GALNT16: variants seen among roughly 807,000 people sequenced by gnomAD.
GALNT16 encodes the protein polypeptide N-acetylgalactosaminyltransferase 16.
GALNT16 carries 40 observed loss-of-function variants against 76.1 expected under a neutral mutation model. That is an observed-to-expected ratio of 0.53 (90% CI 0.41 to 0.68). The LOEUF is 0.68. Ranked by LOEUF, GALNT16 falls within the 30% of genes least tolerant of loss-of-function variation. The probability of loss-of-function intolerance (pLI) is 0.00; values close to 1 mark genes in which losing one functional copy is unlikely to be tolerated. For missense variants in GALNT16, 621 were observed against 731.9 expected, an observed-to-expected ratio of 0.85 and a Z score of 1.75; for synonymous variants, 276 against 285.2, an observed-to-expected ratio of 0.97 and a Z score of 0.32.
At chr14:69,327,681 A>G (rs1239219534) in intron 5 of GALNT16, among the ~76,000 whole-genome samples, 1 of 152,186 alleles carries the variant, frequency 6.6e-6, no homozygotes, top group East Asian at 1.9e-4. Context: ...GCTTATACTC[A>G]GAGCTCTAAG....
chr14:69,339,393 T>C (rs999567192), intron 10 of GALNT16, 134 bp from the exon 11 acceptor site: 1 of 702,472 alleles, frequency 1.4e-6, no homozygotes. Context: ...ACCGTGCTAA[T>C]CTATACCATC....
intron 1 of GALNT16, among the ~76,000 whole-genome samples, chr14:69,310,207 G>A (rs1169678822): frequency 6.6e-6 from 1 of 151,796 alleles, no homozygotes; most frequent in African/African-American, 2.4e-5. Context: ...ATAGGATATA[G>A]ATCTATATCC....
chr14:69,311,348 G>A (rs1396445271), intron 1 of GALNT16, among the ~76,000 whole-genome samples: 1 of 152,188 alleles, frequency 6.6e-6, no homozygotes, highest in East Asian at 1.9e-4. Flanking sequence ...CCATTCATGA[G>A]GGCAGAGCCT....
intron 1 of GALNT16, among the ~76,000 whole-genome samples, chr14:69,262,709 AC>A (rs142797627): frequency 0.016 from 2,377 of 150,498 alleles, 69 homozygotes; most frequent in African/African-American, 0.056. Flanking sequence ...ACCAGCACTG[AC>A]CCCCCCGTCA....
intron 1 of GALNT16, among the ~76,000 whole-genome samples, chr14:69,306,288 G>A (rs2044932172): frequency 6.6e-6 from 1 of 152,088 alleles, no homozygotes; most frequent in South Asian, 2.1e-4. Flanking sequence ...TTGGAACTAG[G>A]GTTTTTTTCC....
At chr14:69,324,985 C>T (rs1471748171) in intron 3 of GALNT16, among the ~76,000 whole-genome samples, 195 bp downstream of exon 3, 1 of 152,222 alleles carries the variant, frequency 6.6e-6, no homozygotes, top group African/African-American at 2.4e-5. Context: ...GACAGTCAAA[C>T]ACCAGGTCAG....
chr14:69,271,932 CAT>C (rs1244447157), intron 1 of GALNT16, among the ~76,000 whole-genome samples: 1 of 152,142 alleles, frequency 6.6e-6, no homozygotes, highest in African/African-American at 2.4e-5. Context: ...GGTGAAATAA[CAT>C]TATTAAAGTT....
chr14:69,275,861 A>T (rs1566860889), intron 1 of GALNT16, among the ~76,000 whole-genome samples: 1 of 152,198 alleles, frequency 6.6e-6, no homozygotes, highest in Non-Finnish European at 1.5e-5. Flanking sequence ...GACATGTATT[A>T]GTCCGTTTTC....
intron 1 of GALNT16, among the ~76,000 whole-genome samples, chr14:69,310,194 T>TATATAGGATATAGATCTATATCCTATAG (rs1566874664): frequency 1.6e-4 from 24 of 152,132 alleles, no homozygotes; most frequent in Admixed American, 2.6e-4. Flanking sequence ...TATATACTAC[T>TATATAGGATATAGATCTATATCCTATAG]ATATAGGATA....
intron 6 of GALNT16, among the ~76,000 whole-genome samples, chr14:69,329,558 G>T (rs965848669): frequency 1.3e-5 from 2 of 152,170 alleles, no homozygotes; most frequent in African/African-American, 2.4e-5. Context: ...GCAAGGACAT[G>T]GAGAAATAGG....
intron 12 of GALNT16, among the ~76,000 whole-genome samples, chr14:69,342,682 A>G (rs146503036): frequency 6.6e-6 from 1 of 152,302 alleles, no homozygotes; most frequent in African/African-American, 2.4e-5. Flanking sequence ...CAAATGAGAA[A>G]ACAAAATGCA....
intron 1 of GALNT16, among the ~76,000 whole-genome samples, chr14:69,279,581 T>C (rs868466116): frequency 4.6e-5 from 7 of 152,404 alleles, no homozygotes; most frequent in African/African-American, 1.7e-4. Context: ...ACCCAGTTCC[T>C]GCCCTCAAGT....
chr14:69,375,690 G>A, the GALNT16 span, among the ~76,000 whole-genome samples: 1 of 152,122 alleles, frequency 6.6e-6, no homozygotes, highest in Admixed American at 6.5e-5. Context: ...TACCCATGCT[G>A]GAGTGCAATC....
intron 1 of GALNT16, among the ~76,000 whole-genome samples, chr14:69,299,672 G>A (rs919277083): frequency 1.3e-5 from 2 of 152,176 alleles, no homozygotes; most frequent in African/African-American, 4.8e-5. Context: ...CTTGCTCACT[G>A]TGGGGAGCTG....
At position 69,353,662 on chromosome 14, in the gene GALNT16, G is replaced by T. The variant is rs1270119190; in HGVS notation, c.*1494G>T. ...CCATAGAGTTCATGGATTCTAGAGG[G>T]TCTAGGAATCTCTTGAAATTGTCCC... On this transcript the variant is annotated 3_prime_UTR_variant, in exon 15 of 15. Transcript: ENST00000448469. 2 of 152,170 alleles carry T rather than the reference G, an allele frequency of 1.3e-5. No homozygotes were observed. The highest frequency in any genetic ancestry group is 4.8e-5 in the African/African-American group (2 of 41,410). 9.4% of individuals were successfully genotyped at this position (152,170 alleles called of 1,614,324 possible).
intron 1 of GALNT16, among the ~76,000 whole-genome samples, chr14:69,308,266 T>A (rs984884877): frequency 6.6e-6 from 1 of 151,334 alleles, no homozygotes; most frequent in Non-Finnish European, 1.5e-5. Flanking sequence ...TTCTTAAAAA[T>A]TTTTATTATA....
chr14:69,324,335 C>T (rs1566880365), intron 2 of GALNT16, among the ~76,000 whole-genome samples: 1 of 152,026 alleles, frequency 6.6e-6, no homozygotes, highest in African/African-American at 2.4e-5. Context: ...TCGCACATAC[C>T]CCCCACCATA....
rs138857222 is a variant in GALNT16 at position 69,322,699 on chromosome 14, C to G, written c.335+1831C>G. Among the ~76,000 whole-genome samples the G allele has an allele frequency of 1.4e-3, 218 of 152,202 alleles. 1 individual carries two copies. The highest frequency in any genetic ancestry group is 5.1e-3 in the African/African-American group (212 of 41,500). Reference sequence around the variant, plus strand: ...TTGAGGTCAGGAGTTCAAGACCAGCCTGCCTATCATGGTGAAACCCTGTCT... The same window carrying G: ...TTGAGGTCAGGAGTTCAAGACCAGCGTGCCTATCATGGTGAAACCCTGTCT... On this transcript the variant is annotated intron_variant, in intron 2 of 14. Transcript: ENST00000448469.
rs769403191 is a variant in GALNT16, at chr14:69,331,551, G to C, written c.778G>C (p.Gly260Arg). The change falls in exon 7 of 15, where the codon GGG becomes CGG. Residue 260 changes from glycine to arginine, a missense_variant and splice_region_variant. Physicochemically the swap from Gly to Arg is moderately radical, Grantham distance 125. Transcript: ENST00000448469. Reference protein sequence around the residue: ...YLAASADLRGGFDWSLHFKWE... With the variant: ...YLAASADLRGRFDWSLHFKWE... Reference sequence around the variant, plus strand: ...TGCAGCATCTGCTGACCTTCGTGGAGGTGAGTTCTGCTCCCGGGGGTGGGG... The same window carrying C: ...TGCAGCATCTGCTGACCTTCGTGGACGTGAGTTCTGCTCCCGGGGGTGGGG... 6.3e-7 allele frequency: 1 copy of C among 1,577,382 alleles called. No homozygotes were observed. Among genetic ancestry groups the C allele is most frequent in the Non-Finnish European group, 8.7e-7 (1 of 1,146,558 alleles).
Sources: gnomAD v4.1 joint callset for allele counts (sites outside exome capture counted in the v4.1 genomes callset) on GRCh38, gnomAD v4.1.1 for gene constraint, MANE v1.5 for transcripts, NCBI Gene and HGNC (gene_info 2026-07-23, HGNC 2026-07-21) for gene names.